HIRA: variants seen among roughly 807,000 people sequenced by gnomAD.
HIRA encodes protein HIRA.
HIRA carries 13 observed loss-of-function variants against 126.6 expected under a neutral mutation model. The ratio of observed to expected loss-of-function variants is 0.10; its 90% CI spans 0.07 to 0.16. The LOEUF (loss-of-function observed/expected upper bound fraction) is 0.16, where lower values mean the gene tolerates loss of function less well. Among genes scored for constraint, HIRA ranks in the 10% least tolerant of loss-of-function variants. The pLI is 1.00. For synonymous variants in HIRA, 511 were observed against 520.0 expected, an observed-to-expected ratio of 0.98 and a Z score of 0.24; for missense variants, 834 against 1,314.4, an observed-to-expected ratio of 0.63 and a Z score of 5.65.
intron 24 of HIRA, among the ~76,000 whole-genome samples, chr22:19,333,831 G>A (rs1810674997): frequency 6.6e-6 from 1 of 152,078 alleles, no homozygotes; most frequent in Non-Finnish European, 1.5e-5. Context: ...CTGTTTTCAA[G>A]TTTGCTGATT....
At chr22:19,337,444 C>G (rs1166436892) in intron 24 of HIRA, among the ~76,000 whole-genome samples, 1 of 151,742 alleles carries the variant, frequency 6.6e-6, no homozygotes, top group Admixed American at 6.6e-5. Context: ...GACTTTGAAT[C>G]AGACAAAAAC....
At chr22:19,334,781 T>C (rs781786587) in intron 24 of HIRA, among the ~76,000 whole-genome samples, 1 of 152,154 alleles carries the variant, frequency 6.6e-6, no homozygotes. Context: ...ATAAGCAGCA[T>C]ACAGCTGGTT....
rs2089529437 is a variant in HIRA at position 19,430,824 on chromosome 22, TAAG to T, written c.37+613_37+615del. On this transcript the variant is annotated intron_variant, in intron 1 of 24. Coordinates refer to ENST00000263208, the MANE Select transcript of HIRA (RefSeq NM_003325.4). The stretch of plus-strand genomic sequence containing the variant: ...TGCTTTGGAGCCACTGCCACAGAGC[TAAG>T]AAGCCCCTCTGCTAGAACACACCTG... 6.6e-5 allele frequency among the ~76,000 whole-genome samples: 10 copies of T among 152,300 alleles called. No homozygotes were observed. In the South Asian group the frequency reaches 2.1e-3, roughly 32 times the overall value.
At position 19,423,472 on chromosome 22, in the gene HIRA, CACACATGCAT is replaced by C. The variant is rs1403941577; in HGVS notation, c.37+7958_37+7967del. Among the ~76,000 whole-genome samples, 56 of 141,110 alleles carry C rather than the reference CACACATGCAT, an allele frequency of 4.0e-4. No homozygotes were observed. The East Asian group carries it at 0.011, about 28-fold the overall frequency. 92.6% of individuals were successfully genotyped at this position (141,110 alleles called of 152,430 possible). A position where few individuals can be genotyped will look rare whatever the true frequency, so the allele number is the denominator to read the frequency against. The stretch of plus-strand genomic sequence containing the variant: ...CTGAAAACATACACACACTGACTCA[CACACATGCAT>C]ACACACACACACACACACACACACA... On this transcript the variant is annotated intron_variant, in intron 1 of 24. Coordinates refer to ENST00000263208, the MANE Select transcript of HIRA (RefSeq NM_003325.4).
At chr22:19,357,193 T>G (rs539627272) in intron 18 of HIRA, 142 bp from the exon 19 acceptor site, 1 of 938,076 alleles carries the variant, frequency 1.1e-6, no homozygotes, top group African/African-American at 1.6e-5. Flanking sequence ...GAAGGTGGAT[T>G]GGGTCAGGGT....
At chr22:19,391,351 T>G (rs1223220313) in intron 9 of HIRA, among the ~76,000 whole-genome samples, 1 of 152,140 alleles carries the variant, frequency 6.6e-6, no homozygotes, top group Non-Finnish European at 1.5e-5. Flanking sequence ...GAGGGAGGTC[T>G]TGACTGGGGA....
chr22:19,421,155 T>C (rs2089442886), intron 1 of HIRA, among the ~76,000 whole-genome samples: 1 of 152,172 alleles, frequency 6.6e-6, no homozygotes, highest in East Asian at 1.9e-4. Flanking sequence ...AAAAATTTAT[T>C]GGGTGTGGTG....
chr22:19,396,746 G>T (rs748255899), intron 7 of HIRA, 41 bp downstream of exon 7: 2 of 1,604,014 alleles, frequency 1.2e-6, no homozygotes, highest in Non-Finnish European at 1.7e-6. Flanking sequence ...AGAGGCTGGG[G>T]CAGCTGCGGG....
chr22:19,348,029 C>T (rs2088707279), intron 24 of HIRA, among the ~76,000 whole-genome samples: 1 of 152,216 alleles, frequency 6.6e-6, no homozygotes, highest in South Asian at 2.1e-4. Flanking sequence ...CTCCTTTGTC[C>T]TGGTATTCCA....
chr22:19,422,883 A>G (rs1243007657), intron 1 of HIRA, among the ~76,000 whole-genome samples: 2 of 152,078 alleles, frequency 1.3e-5, no homozygotes, highest in Non-Finnish European at 2.9e-5. Context: ...CTCCTTTCCA[A>G]AAGAGCCTAT....
chr22:19,359,034 G>A lies in HIRA; in HGVS notation c.2234+302C>T, dbSNP rs577623198. Reference sequence around the variant, plus strand: ...CCAGGCACACCTCAGTGTGGAATTCGAGACTTTGGGGATCTGGCTGGACAA... The same window carrying A: ...CCAGGCACACCTCAGTGTGGAATTCAAGACTTTGGGGATCTGGCTGGACAA... On this transcript the variant is annotated intron_variant, in intron 18 of 24. Transcript: ENST00000263208. 1.3e-4 allele frequency among the ~76,000 whole-genome samples: 20 copies of A among 152,292 alleles called. 1 individual carries two copies. The South Asian group carries it at 4.1e-3, about 32-fold the overall frequency.
Position 19,351,822 on chromosome 22 carries a change from G to T in HIRA, c.2849-376C>A, listed in dbSNP as rs2088761213. ...AGAAGATGCGCTGGCAGCTGGTGTT[G>T]AGGGGAGGTCAGGAGGGTGGGACGG... On this transcript the variant is annotated intron_variant, in intron 23 of 24. Coordinates refer to ENST00000263208, the MANE Select transcript of HIRA (RefSeq NM_003325.4). The surrounding 1 kb of genome is among the most constrained non-coding windows in gnomAD (Gnocchi z 4.8). Among the ~76,000 whole-genome samples, 1 of 152,158 alleles carries T rather than the reference G, an allele frequency of 6.6e-6. No individual in the cohort carries two copies. Among genetic ancestry groups the T allele is most frequent in the African/African-American group, 2.4e-5 (1 of 41,440 alleles).
Position 19,368,424 on chromosome 22 carries a change from T to A in HIRA, c.1776-6493A>T, listed in dbSNP as rs573638382. On this transcript the variant is annotated intron_variant, in intron 15 of 24. Coordinates refer to ENST00000263208, the MANE Select transcript of HIRA (RefSeq NM_003325.4). ...TGAGTCAGTGCTCCTCAAAATCCTT[T>A]AAAAATTTTTTTTTTTTTAAATGTC... Among the ~76,000 whole-genome samples, 15 of 151,090 alleles carry A rather than the reference T, an allele frequency of 9.9e-5. No individual in the cohort carries two copies. In the South Asian group the frequency reaches 1.5e-3, roughly 15 times the overall value.
In HIRA at chr22:19,408,592, C is replaced by T. The variant is rs753273798; in HGVS notation, c.102G>A (p.Gly34=). 2 of 1,594,954 alleles carry T rather than the reference C, an allele frequency of 1.3e-6. No homozygotes were observed. Among genetic ancestry groups the T allele is most frequent in the Non-Finnish European group, 1.7e-6 (2 of 1,162,680 alleles). The part of the protein sequence containing the change: ...DGTKFATGGQ[G]QDSGKVVIWN... ...AGATCACAACCTTCCCAGAATCCTGCCCTGGAACAAAGGAGCAGAAATGGC... is the reference window on the plus strand; with the variant it reads ...AGATCACAACCTTCCCAGAATCCTGTCCTGGAACAAAGGAGCAGAAATGGC... The change falls in exon 3 of 25, where the codon GGG becomes GGA. Residue 34 remains glycine (G), a splice_region_variant and synonymous_variant. Coordinates refer to ENST00000263208, the MANE Select transcript of HIRA (RefSeq NM_003325.4).
intron 24 of HIRA, among the ~76,000 whole-genome samples, chr22:19,349,208 G>A (rs868973996): frequency 1.2e-4 from 19 of 152,004 alleles, no homozygotes; most frequent in African/African-American, 3.6e-4. Context: ...CGGTTCAAGC[G>A]ATTCTCCTGC....
chr22:19,423,415 G>A (rs952769721), intron 1 of HIRA, among the ~76,000 whole-genome samples: 2 of 151,320 alleles, frequency 1.3e-5, no homozygotes, highest in African/African-American at 2.4e-5. Flanking sequence ...CAAGAGCCTG[G>A]CATGCTGCTT....
At chr22:19,420,373 G>A (rs1214908223) in intron 1 of HIRA, among the ~76,000 whole-genome samples, 1 of 148,778 alleles carries the variant, frequency 6.7e-6, no homozygotes, top group Non-Finnish European at 1.5e-5. Context: ...GGCTGAGGTG[G>A]GAGGATCTAT....
intron 9 of HIRA, among the ~76,000 whole-genome samples, chr22:19,389,521 G>A (rs889531549): frequency 6.6e-6 from 1 of 152,174 alleles, no homozygotes; most frequent in Non-Finnish European, 1.5e-5. Flanking sequence ...TGTGGGGAAG[G>A]AGAAGCTGTG....
chr22:19,398,270 A>C (rs1191275494), intron 5 of HIRA, among the ~76,000 whole-genome samples, 183 bp from the exon 6 acceptor site: 1 of 152,228 alleles, frequency 6.6e-6, no homozygotes, highest in Non-Finnish European at 1.5e-5. Context: ...AACCGACCCC[A>C]GTGCCTCACT....
Sources: gnomAD v4.1 joint callset for allele counts (sites outside exome capture counted in the v4.1 genomes callset) on GRCh38, gnomAD v4.1.1 for gene constraint, Gnocchi (gnomAD v3.1) non-coding constraint, MANE v1.5 for transcripts, NCBI Gene and HGNC (gene_info 2026-07-23, HGNC 2026-07-21) for gene names.